MXI1: variants seen among roughly 807,000 people sequenced by gnomAD.
The protein encoded by MXI1 is MAX interactor 1, dimerization protein, also known as max-interacting protein 1.
Under a neutral mutation model 36.9 loss-of-function variants are expected in MXI1, and 18 were observed. That is an observed-to-expected ratio of 0.49 (90% CI 0.34 to 0.72). The LOEUF (loss-of-function observed/expected upper bound fraction) is 0.72, where lower values mean the gene tolerates loss of function less well. Ranked by LOEUF, MXI1 falls within the 30% of genes least tolerant of loss-of-function variation. The pLI, the probability that MXI1 is intolerant of heterozygous loss-of-function variation, is 0.01. For missense variants in MXI1, 304 were observed against 379.1 expected, an observed-to-expected ratio of 0.80 and a Z score of 1.64; for synonymous variants, 160 against 146.7, an observed-to-expected ratio of 1.09 and a Z score of -0.65.
At chr10:110,223,095 G>A (rs1590333565) in intron 1 of MXI1, among the ~76,000 whole-genome samples, 1 of 152,232 alleles carries the variant, frequency 6.6e-6, no homozygotes, top group East Asian at 1.9e-4. Flanking sequence ...CTTGGCCATG[G>A]CTCTAGAAGA....
At chr10:110,245,673 C>T (rs560284642) in intron 3 of MXI1, 1 of 152,168 alleles carries the variant, frequency 6.6e-6, no homozygotes, top group South Asian at 2.1e-4. Flanking sequence ...CCATAGGGAG[C>T]AGTTAAATAA....
chr10:110,279,885 C>A (rs772158883), intron 4 of MXI1, 29 bp from the exon 5 acceptor site: 3 of 1,575,764 alleles, frequency 1.9e-6, no homozygotes, highest in Non-Finnish European at 1.7e-6. Context: ...GGACTATACA[C>A]AAATGTAAAA....
At chr10:110,217,478 A>G (rs1241750527) in intron 1 of MXI1, among the ~76,000 whole-genome samples, 1 of 152,086 alleles carries the variant, frequency 6.6e-6, no homozygotes, top group African/African-American at 2.4e-5. Flanking sequence ...TTTTATTTCT[A>G]CAGGGGCCCA....
At position 110,286,085 on chromosome 10, in the gene MXI1, T is replaced by A. The variant is rs1333027989; in HGVS notation, c.*1098T>A. On this transcript the variant is annotated 3_prime_UTR_variant, in exon 6 of 6. Transcript: ENST00000332674. ...CAAAATGAATGAGGTCTGGGCTAGG[T>A]AGAAAAAGGGTCAATGCTATTTTTG... The A allele has an allele frequency of 6.6e-6, 1 of 152,586 alleles. No homozygotes were observed. Among genetic ancestry groups the A allele is most frequent in the Non-Finnish European group, 1.5e-5 (1 of 68,014 alleles). The allele number at this position is 152,586 out of a possible 1,614,324, so 9.5% of individuals were successfully genotyped here.
chr10:110,238,205 C>T (rs1855538949), intron 2 of MXI1, among the ~76,000 whole-genome samples: 1 of 152,098 alleles, frequency 6.6e-6, no homozygotes, highest in South Asian at 2.1e-4. Flanking sequence ...GTTGTCAATT[C>T]CCAGTACTTC....
chr10:110,211,239 T>G (rs899163230), intron 1 of MXI1, among the ~76,000 whole-genome samples: 2 of 152,162 alleles, frequency 1.3e-5, no homozygotes, highest in Admixed American at 6.5e-5. Flanking sequence ...GGTTTCCACA[T>G]GGAGACAAAC....
At chr10:110,223,077 A>C (rs752156368) in intron 1 of MXI1, among the ~76,000 whole-genome samples, 1 of 151,908 alleles carries the variant, frequency 6.6e-6, no homozygotes, top group Non-Finnish European at 1.5e-5. Context: ...CCATGTCCTC[A>C]TCTCCCTCTT....
At chr10:110,259,239 TA>T (rs1336607940) in intron 3 of MXI1, among the ~76,000 whole-genome samples, 12 of 152,050 alleles carry the variant, frequency 7.9e-5, no homozygotes, top group Non-Finnish European at 1.6e-4. Context: ...ATTTGTAATT[TA>T]AAAAAACAAC....
chr10:110,261,374 C>T (rs1249913138), intron 3 of MXI1, among the ~76,000 whole-genome samples: 1 of 151,560 alleles, frequency 6.6e-6, no homozygotes, highest in Non-Finnish European at 1.5e-5. Flanking sequence ...ATGGATTGGC[C>T]ATTTTCACTT....
intron 1 of MXI1, among the ~76,000 whole-genome samples, chr10:110,210,732 C>T (rs1385392807): frequency 6.6e-6 from 1 of 152,228 alleles, no homozygotes; most frequent in African/African-American, 2.4e-5. Flanking sequence ...GGCGCTTCTT[C>T]GCGCTGGCGG....
Position 110,215,034 on chromosome 10 carries a change from TTTTTTTTTG to T in MXI1, c.274+6961_274+6969del, listed in dbSNP as rs531126234. ...TTTTTCTTTCTGCTCCACTTCAGTT[TTTTTTTTTG>T]TTTTTTTTTTTTTTTTGAGATGGAG... On this transcript the variant is annotated intron_variant, in intron 1 of 5. Coordinates refer to ENST00000332674, the MANE Select transcript of MXI1 (RefSeq NM_130439.3). 1.4e-3 allele frequency among the ~76,000 whole-genome samples: 107 copies of T among 75,946 alleles called. 4 individuals carry two copies. The highest frequency in any genetic ancestry group is 0.01 in the African/African-American group (90 of 8,650). 49.8% of individuals were successfully genotyped at this position (75,946 alleles called of 152,430 possible).
intron 1 of MXI1, among the ~76,000 whole-genome samples, chr10:110,218,179 G>C (rs918965990): frequency 6.6e-6 from 1 of 152,144 alleles, no homozygotes; most frequent in African/African-American, 2.4e-5. Flanking sequence ...GGCTGGGCAC[G>C]GTGGCTCACG....
At chr10:110,274,914 A>G (rs1321066669) in intron 3 of MXI1, among the ~76,000 whole-genome samples, 2 of 126,374 alleles carry the variant, frequency 1.6e-5, no homozygotes, top group Non-Finnish European at 3.1e-5. Flanking sequence ...TCACACTGTC[A>G]CCCAGGCTGG....
chr10:110,248,452 GT>G (rs1255956802), intron 3 of MXI1, among the ~76,000 whole-genome samples: 1 of 152,160 alleles, frequency 6.6e-6, no homozygotes, highest in African/African-American at 2.4e-5. Flanking sequence ...ATCACCCATA[GT>G]ATTACTTTGG....
intron 1 of MXI1, chr10:110,226,194 C>G: frequency 6.8e-7 from 1 of 1,468,438 alleles, no homozygotes; most frequent in East Asian, 2.9e-5. Flanking sequence ...AGGCGCCGGT[C>G]GCCACCCGCG....
chr10:110,225,544 G>A (rs1243925258), intron 1 of MXI1, among the ~76,000 whole-genome samples: 2 of 152,184 alleles, frequency 1.3e-5, no homozygotes, highest in Non-Finnish European at 2.9e-5. Flanking sequence ...TTTTGCAGAT[G>A]AGCAAACTGA....
chr10:110,216,530 A>G (rs1338528988), intron 1 of MXI1, among the ~76,000 whole-genome samples: 1 of 152,014 alleles, frequency 6.6e-6, no homozygotes, highest in Admixed American at 6.6e-5. Flanking sequence ...GTGAACCCCA[A>G]CAATGCAGGA....
intron 3 of MXI1, 128 bp from the exon 4 acceptor site, chr10:110,279,052 G>A: frequency 3.1e-6 from 2 of 652,742 alleles, no homozygotes; most frequent in South Asian, 3.9e-5. Flanking sequence ...TGACAGTGGA[G>A]AATTAGGGGT....
chr10:110,244,683 C>T (rs921838327), intron 2 of MXI1, 145 bp from the exon 3 acceptor site: 1 of 600,566 alleles, frequency 1.7e-6, no homozygotes, highest in South Asian at 2.5e-5. Flanking sequence ...ACTATTTCCT[C>T]TCGATGAGTG....
Sources: gnomAD v4.1 joint callset for allele counts (sites outside exome capture counted in the v4.1 genomes callset) on GRCh38, gnomAD v4.1.1 for gene constraint, MANE v1.5 for transcripts, NCBI Gene and HGNC (gene_info 2026-07-23, HGNC 2026-07-21) for gene names.